SUPT3H: variants seen among roughly 807,000 people sequenced by gnomAD.
The protein encoded by SUPT3H is SPT3 homolog, SAGA and STAGA complex component.
In SUPT3H, 44 loss-of-function variants were observed where a neutral mutation model predicts 44.3. That is an observed-to-expected ratio of 0.99 (90% CI 0.78 to 1.28). The LOEUF (loss-of-function observed/expected upper bound fraction) is 1.28. Ranked by LOEUF, SUPT3H falls within the 50% of genes most tolerant of loss-of-function variation. SUPT3H has a pLI of 0.00. For synonymous variants in SUPT3H, 124 were observed against 125.6 expected, an observed-to-expected ratio of 0.99 and a Z score of 0.09; for missense variants, 380 against 387.1, an observed-to-expected ratio of 0.98 and a Z score of 0.15.
At chr6:44,900,384 C>A (rs974197129) in intron 10 of SUPT3H, among the ~76,000 whole-genome samples, 5 of 152,240 alleles carry the variant, frequency 3.3e-5, no homozygotes, top group South Asian at 2.1e-4. Flanking sequence ...TATTCTGCGC[C>A]TGGCTCGGAG....
intron 3 of SUPT3H, among the ~76,000 whole-genome samples, chr6:45,061,764 A>T (rs1199393446): frequency 6.6e-6 from 1 of 152,090 alleles, no homozygotes; most frequent in Admixed American, 6.5e-5. Flanking sequence ...CTAATATTTT[A>T]TGTGATACTT....
intron 2 of SUPT3H, among the ~76,000 whole-genome samples, chr6:45,175,325 G>A (rs975188077): frequency 2.0e-5 from 3 of 152,140 alleles, no homozygotes; most frequent in Non-Finnish European, 4.4e-5. Context: ...CAGCATGGCT[G>A]GGGAGGCCGC....
chr6:45,238,476 C>G (rs186502616), intron 2 of SUPT3H, among the ~76,000 whole-genome samples: 488 of 152,274 alleles, frequency 3.2e-3, no homozygotes, highest in Non-Finnish European at 4.7e-3. Flanking sequence ...AGAGGAGATC[C>G]TAGTCTCACT....
chr6:45,101,186 G>T (rs9369534), intron 3 of SUPT3H, among the ~76,000 whole-genome samples: 1 of 152,012 alleles, frequency 6.6e-6, no homozygotes, highest in Non-Finnish European at 1.5e-5. Context: ...AGCACTTTGG[G>T]AGGCCAAGGC....
chr6:45,099,542 A>C (rs1481917523), intron 3 of SUPT3H, among the ~76,000 whole-genome samples: 1 of 152,194 alleles, frequency 6.6e-6, no homozygotes, highest in Non-Finnish European at 1.5e-5. Context: ...ATTCCAGCCC[A>C]GAATAATTAT....
intron 5 of SUPT3H, among the ~76,000 whole-genome samples, chr6:45,004,167 T>C (rs1376197544): frequency 5.3e-5 from 8 of 152,038 alleles, no homozygotes; most frequent in Non-Finnish European, 1.0e-4. Context: ...AGTAAGGATA[T>C]GCTAGGCAAA....
At chr6:45,017,987 G>A (rs866341067) in intron 4 of SUPT3H, among the ~76,000 whole-genome samples, 2,195 of 151,656 alleles carry the variant, frequency 0.014, 22 homozygotes, top group South Asian at 0.028. Flanking sequence ...AGCATGGAAT[G>A]TTCTTCCATT....
intron 11 of SUPT3H, among the ~76,000 whole-genome samples, chr6:44,816,722 G>T (rs565116826): frequency 6.6e-6 from 1 of 152,236 alleles, no homozygotes; most frequent in African/African-American, 2.4e-5. Flanking sequence ...CATGAGTACA[G>T]ATACAAAAAT....
chr6:45,012,387 AATG>A (rs1351908652), intron 5 of SUPT3H, among the ~76,000 whole-genome samples: 1 of 151,812 alleles, frequency 6.6e-6, no homozygotes, highest in African/African-American at 2.4e-5. Context: ...TAAACTCTTT[AATG>A]ATGTCTTCAA....
intron 6 of SUPT3H, among the ~76,000 whole-genome samples, chr6:44,988,543 A>AT (rs1307126116): frequency 7.0e-6 from 1 of 143,168 alleles, no homozygotes; most frequent in Non-Finnish European, 1.5e-5. Context: ...AAAAAAAAAA[A>AT]TTTATGGGCT....
At chr6:45,045,775 AT>A (rs1789298730) in intron 3 of SUPT3H, among the ~76,000 whole-genome samples, 1 of 152,156 alleles carries the variant, frequency 6.6e-6, no homozygotes, top group Non-Finnish European at 1.5e-5. Flanking sequence ...TTGTCACATT[AT>A]TACTGATTAA....
intron 3 of SUPT3H, among the ~76,000 whole-genome samples, chr6:45,078,454 A>G (rs1209064749): frequency 6.6e-6 from 1 of 152,214 alleles, no homozygotes; most frequent in African/African-American, 2.4e-5. Flanking sequence ...CAGTATCGTT[A>G]CAGCATTGGG....
At chr6:45,328,365 G>T in intron 2 of SUPT3H, 1 of 1,381,708 alleles carries the variant, frequency 7.2e-7, no homozygotes, top group Non-Finnish European at 9.7e-7. Flanking sequence ...CCACAAGTGC[G>T]GTGCAAACTT....
At chr6:45,036,054 A>G (rs1475745342) in intron 3 of SUPT3H, among the ~76,000 whole-genome samples, 1 of 152,216 alleles carries the variant, frequency 6.6e-6, no homozygotes, top group Non-Finnish European at 1.5e-5. Context: ...TTCACTATTC[A>G]TATTGAAAAT....
At position 45,351,896 on chromosome 6, in the gene SUPT3H, T is replaced by C. The variant is rs1792131129; in HGVS notation, c.101+13305A>G. 1.3e-5 allele frequency among the ~76,000 whole-genome samples: 2 copies of C among 152,172 alleles called. 1 individual carries two copies. The highest frequency in any genetic ancestry group is 4.1e-4 in the South Asian group (2 of 4,826). On this transcript the variant is annotated intron_variant, in intron 2 of 10. Coordinates refer to ENST00000371459, the MANE Select transcript of SUPT3H (RefSeq NM_003599.4). ...AGCCTGTTAGAGGCCTTATAAATGC[T>C]GACTAAGCTCAGCTGAGTCACTGAC...
At chr6:45,360,270 A>G (rs1794024693) in intron 2 of SUPT3H, among the ~76,000 whole-genome samples, 1 of 152,166 alleles carries the variant, frequency 6.6e-6, no homozygotes, top group African/African-American at 2.4e-5. Context: ...CTACCCTCAC[A>G]GAGTTGTGTG....
chr6:45,055,732 T>C lies in SUPT3H; in HGVS notation c.187-35100A>G, dbSNP rs76012183. On this transcript the variant is annotated intron_variant, in intron 3 of 10. Coordinates refer to ENST00000371459, the MANE Select transcript of SUPT3H (RefSeq NM_003599.4). Reference sequence around the variant, plus strand: ...ACCATAAAGATTCTAGAGGATAACCTTGGAAAAAACTCTTCTTAGACACTG... The same window carrying C: ...ACCATAAAGATTCTAGAGGATAACCCTGGAAAAAACTCTTCTTAGACACTG... Among the ~76,000 whole-genome samples the C allele has an allele frequency of 3.9e-3, 595 of 152,164 alleles. 7 individuals are homozygous for C. Among genetic ancestry groups the C allele is most frequent in the African/African-American group, 0.014 (567 of 41,546 alleles).
At chr6:45,266,685 A>C (rs932116249) in intron 2 of SUPT3H, among the ~76,000 whole-genome samples, 2 of 152,236 alleles carry the variant, frequency 1.3e-5, no homozygotes, top group Admixed American at 1.3e-4. Flanking sequence ...GATAAACAGA[A>C]ATCTGCCTTA....
intron 3 of SUPT3H, among the ~76,000 whole-genome samples, chr6:45,064,691 CA>C (rs1289099297): frequency 4.5e-4 from 60 of 132,008 alleles, no homozygotes; most frequent in Non-Finnish European, 7.5e-4. Flanking sequence ...TTTAAACCAA[CA>C]AAGATCAAAA....
Sources: allele counts gnomAD v4.1 joint callset (sites outside exome capture counted in the v4.1 genomes callset), GRCh38; gene constraint gnomAD v4.1.1; transcripts MANE v1.5; gene names NCBI Gene and HGNC (gene_info 2026-07-23, HGNC 2026-07-21).